The following SETX variants were observed in gnomAD, a reference collection of about 807,000 sequenced individuals.
The protein encoded by SETX is senataxin, also known as helicase senataxin.
SETX carries 90 observed loss-of-function variants against 227.2 expected under a neutral mutation model. The observed-to-expected ratio is 0.40, with a 90% confidence interval of 0.33 to 0.47. The LOEUF is 0.47. Among genes scored for constraint, SETX ranks in the 20% least tolerant of loss-of-function variants. SETX has a pLI of 0.91. For missense variants in SETX, 3,052 were observed against 3,181.5 expected (o/e 0.96, Z 0.98); for synonymous variants, 1,210 against 1,113.2 (o/e 1.09, Z -1.73).
chr9:132,288,799 T>C, intron 15 of SETX, 148 bp from the exon 16 acceptor site: 1 of 662,224 alleles, frequency 1.5e-6, no homozygotes, highest in South Asian at 1.7e-5. Flanking sequence ...CACCAGGGAC[T>C]ACACCACAAA....
intron 25 of SETX, among the ~76,000 whole-genome samples, chr9:132,267,874 T>G (rs1304808562): frequency 1.3e-5 from 2 of 152,062 alleles, no homozygotes; most frequent in Admixed American, 6.5e-5. Context: ...CCATCCAGAG[T>G]GCACTGCCAA....
intron 15 of SETX, among the ~76,000 whole-genome samples, chr9:132,289,889 A>G (rs1470401466): frequency 6.6e-6 from 1 of 152,080 alleles, no homozygotes; most frequent in Non-Finnish European, 1.5e-5. Context: ...TTCTTTTATT[A>G]TAATTTCTTC....
At chr9:132,320,144 A>C (rs986499824) in intron 10 of SETX, among the ~76,000 whole-genome samples, 1 of 152,248 alleles carries the variant, frequency 6.6e-6, no homozygotes, top group African/African-American at 2.4e-5. Flanking sequence ...CTAAAAGTTG[A>C]ATCTGTTCTC....
rs753620952 is a variant in SETX, at chr9:132,326,352, G to C, written c.5246C>G (p.Pro1749Arg). The change falls in exon 10 of 26, where the codon CCT becomes CGT. Residue 1749 changes from proline to arginine, a missense_variant. By Grantham distance (103) the Pro-to-Arg change is moderately radical. This residue lies in a region of SETX where 239 missense variants were observed against 272.1 expected (regional missense o/e 0.88). Transcript: ENST00000224140. ...NYGDYFNVFF[P>R]LMVLNTFETV... The stretch of plus-strand genomic sequence containing the variant: ...TTCAAAAGTATTCAATACCATCAAA[G>C]GGAAAAAAACATTAAAATAATCTCC... 4 of 1,612,370 alleles carry C rather than the reference G, an allele frequency of 2.5e-6. No individual in the cohort carries two copies. The highest frequency in any genetic ancestry group is 3.4e-6 in the Non-Finnish European group (4 of 1,179,016).
chr9:132,321,535 T>C (rs987257066), intron 10 of SETX, among the ~76,000 whole-genome samples: 3 of 151,710 alleles, frequency 2.0e-5, no homozygotes, highest in Non-Finnish European at 2.9e-5. Flanking sequence ...CAGGCACCTA[T>C]AGTCCCAGCT....
intron 19 of SETX, among the ~76,000 whole-genome samples, chr9:132,281,970 C>T (rs12336932): frequency 0.011 from 1,652 of 145,088 alleles, 33 homozygotes; most frequent in African/African-American, 0.041. Flanking sequence ...TGCAGTGAGC[C>T]GAGATCACAT....
intron 23 of SETX, among the ~76,000 whole-genome samples, chr9:132,272,110 T>C (rs181371517): frequency 1.3e-5 from 2 of 152,040 alleles, no homozygotes; most frequent in Non-Finnish European, 2.9e-5. Flanking sequence ...GACCTCATGA[T>C]CCGCCCGCCT....
At chr9:132,334,802 A>G in intron 6 of SETX, 75 bp from the exon 7 acceptor site, 8 of 1,511,098 alleles carry the variant, frequency 5.3e-6, no homozygotes, top group Non-Finnish European at 6.4e-6. Context: ...TTGCAAAAGA[A>G]TAACAAGGCA....
chr9:132,290,574 C>CAAAAAA lies in SETX; in HGVS notation c.6107-1929_6107-1924dup, dbSNP rs59954158. ...TGGGAGACAGAGCGAGACTCCGTCT[C>CAAAAAA]AAAAAAAAAAAAAAAAAAAAAAAAA... On this transcript the variant is annotated intron_variant, in intron 15 of 25. Coordinates refer to ENST00000224140, the MANE Select transcript of SETX (RefSeq NM_015046.7). Among the ~76,000 whole-genome samples, 24 of 44,712 alleles carry CAAAAAA rather than the reference C, an allele frequency of 5.4e-4. 3 individuals carry two copies. The highest frequency in any genetic ancestry group is 1.2e-3 in the African/African-American group (21 of 17,250). The allele number at this position is 44,712 out of a possible 152,430, so 29.3% of individuals were successfully genotyped here. A position where few individuals can be genotyped will look rare whatever the true frequency, so the allele number is the denominator to read the frequency against.
intron 10 of SETX, among the ~76,000 whole-genome samples, chr9:132,317,709 G>A (rs1846068014): frequency 6.6e-6 from 1 of 151,646 alleles, no homozygotes; most frequent in South Asian, 2.1e-4. Flanking sequence ...ACGATCCTCT[G>A]GCCTCTGCCT....
At chr9:132,342,555 A>T (rs1848042595) in intron 5 of SETX, 135 bp downstream of exon 5, 2 of 788,758 alleles carry the variant, frequency 2.5e-6, no homozygotes, top group Non-Finnish European at 4.6e-6. Context: ...CCCTCTACTT[A>T]ACTGTAGTAA....
intron 2 of SETX, among the ~76,000 whole-genome samples, chr9:132,352,556 T>C (rs904883805): frequency 2.6e-5 from 4 of 152,090 alleles, no homozygotes; most frequent in Admixed American, 1.3e-4. Context: ...ATCAAGACCA[T>C]CCTGGCCAAC....
chr9:132,293,978 C>A (rs1373065686), intron 15 of SETX, among the ~76,000 whole-genome samples: 4 of 151,998 alleles, frequency 2.6e-5, no homozygotes, highest in African/African-American at 9.7e-5. Context: ...GAGCCGAGAT[C>A]GCGCCACTGC....
chr9:132,322,975 C>T (rs1466553758), intron 10 of SETX, among the ~76,000 whole-genome samples: 4 of 151,722 alleles, frequency 2.6e-5, no homozygotes, highest in African/African-American at 4.8e-5. Flanking sequence ...GTTGAGGTGG[C>T]CTCCAAGAAA....
chr9:132,298,067 C>G lies in SETX; in HGVS notation c.5781+13G>C. On this transcript the variant is annotated intron_variant, in intron 13 of 25. Coordinates refer to ENST00000224140, the MANE Select transcript of SETX (RefSeq NM_015046.7). The stretch of plus-strand genomic sequence containing the variant: ...TAACATGAAATTATCTAGTATCATA[C>G]ATCATCACTCACAATTCTCTCAGAT... 6.3e-7 allele frequency: 1 copy of G among 1,583,734 alleles called. No individual in the cohort carries two copies. Among genetic ancestry groups the G allele is most frequent in the Non-Finnish European group, 8.7e-7 (1 of 1,152,864 alleles).
chr9:132,327,641 T>C lies in SETX; in HGVS notation c.3957A>G (p.Val1319=). 1 of 1,614,022 alleles carries C rather than the reference T, an allele frequency of 6.2e-7. No individual in the cohort carries two copies. The highest frequency in any genetic ancestry group is 8.5e-7 in the Non-Finnish European group (1 of 1,179,976). Residue 1319 remains valine, a synonymous_variant, in exon 10 of 26, where the codon GTA becomes GTG. Coordinates refer to ENST00000224140, the MANE Select transcript of SETX (RefSeq NM_015046.7). Reference sequence around the variant, plus strand: ...ATTTAGTCTTTTTTCGGGTATCAACTACTCCAACAGTTTTGCCATGATCAC... The same window carrying C: ...ATTTAGTCTTTTTTCGGGTATCAACCACTCCAACAGTTTTGCCATGATCAC... ...QLRDHGKTVG[V]VDTRKKTKLI... is the part of the protein sequence containing the mutation.
intron 25 of SETX, among the ~76,000 whole-genome samples, chr9:132,269,149 C>T (rs1357483618): frequency 6.6e-6 from 1 of 152,260 alleles, no homozygotes; most frequent in Admixed American, 6.5e-5. Context: ...GGCGCCTGTC[C>T]TGGCAGAAGA....
intron 11 of SETX, among the ~76,000 whole-genome samples, chr9:132,302,581 A>AC (rs76969549): frequency 0.14 from 20,652 of 147,102 alleles, 2,051 homozygotes; most frequent in East Asian, 0.42. Flanking sequence ...AATCGCTTGA[A>AC]CCTGGGAGGT....
rs2131433732 is a variant in SETX at position 132,327,243 on chromosome 9, G to A, written c.4355C>T (p.Pro1452Leu). ...CDSVVLNGTV[P>L]TNEVIVSTSE... Reference sequence around the variant, plus strand: ...AGTGGAGACAATTACTTCATTTGTTGGTACTGTTCCATTTAACACTACAGA... The same window carrying A: ...AGTGGAGACAATTACTTCATTTGTTAGTACTGTTCCATTTAACACTACAGA... Residue 1452 changes from proline (P) to leucine (L), a missense_variant, in exon 10 of 26, where the codon CCA (proline) becomes CTA (leucine). This residue lies in a region of SETX where 1,483 missense variants were observed against 1,312.0 expected (regional missense o/e 1.13). Transcript: ENST00000224140. 2 of 1,614,106 alleles carry A rather than the reference G, an allele frequency of 1.2e-6. No individual in the cohort carries two copies. Among genetic ancestry groups the A allele is most frequent in the African/African-American group, 1.3e-5 (1 of 75,032 alleles).
Sources: allele counts gnomAD v4.1 joint callset (sites outside exome capture counted in the v4.1 genomes callset), GRCh38; gene constraint gnomAD v4.1.1; regional missense constraint gnomAD v4.1.1; transcripts MANE v1.5; gene names NCBI Gene and HGNC (gene_info 2026-07-23, HGNC 2026-07-21).